Variants in PCDHGB2 observed in about 807,000 individuals in gnomAD.
PCDHGB2 encodes protocadherin gamma subfamily B, 2.
PCDHGB2 carries 55 observed loss-of-function variants against 59.3 expected under a neutral mutation model. The observed-to-expected ratio is 0.93, with a 90% CI of 0.75 to 1.16. PCDHGB2 has a LOEUF of 1.16. Ranked by LOEUF, PCDHGB2 falls within the 50% of genes most tolerant of loss-of-function variation. The pLI is 0.00. For synonymous variants in PCDHGB2, 516 were observed against 512.0 expected (o/e 1.01, Z -0.11); for missense variants, 1,228 against 1,198.5 (o/e 1.02, Z -0.36).
chr5:141,442,774 AT>A (rs2098342677), intron 1 of PCDHGB2, among the ~76,000 whole-genome samples: 1 of 152,188 alleles, frequency 6.6e-6, no homozygotes, highest in Non-Finnish European at 1.5e-5. Flanking sequence ...TATGTGTTTG[AT>A]TATATTTTAT....
intron 1 of PCDHGB2, chr5:141,414,875 T>G: frequency 6.2e-7 from 1 of 1,614,196 alleles, no homozygotes; most frequent in Non-Finnish European, 8.5e-7. Context: ...CCCGAGATCC[T>G]GTACCCCGCC....
At chr5:141,498,248 G>A (rs1484987588) in intron 2 of PCDHGB2, among the ~76,000 whole-genome samples, 2 of 152,208 alleles carry the variant, frequency 1.3e-5, no homozygotes, top group Non-Finnish European at 2.9e-5. Flanking sequence ...CTTCAAAGCA[G>A]GGCTGGTGTT....
At position 141,432,669 on chromosome 5, in the gene PCDHGB2, C is replaced by T. The variant is rs777314784; in HGVS notation, c.2422-62138C>T. ...GCGCGAGCCCTGCTGGACAGAGACG[C>T]GCTCAAGCAGAGCCTCGTAGTGGCC... On this transcript the variant is annotated intron_variant, in intron 1 of 3. Transcript: ENST00000522605. This position sits in a 1 kb window ranked among gnomAD's most constrained non-coding sequence, Gnocchi z 6.0. 1 of 1,613,894 alleles carries T rather than the reference C, an allele frequency of 6.2e-7. No homozygotes were observed.
chr5:141,474,208 A>C (rs1243312558), intron 1 of PCDHGB2, among the ~76,000 whole-genome samples: 1 of 152,242 alleles, frequency 6.6e-6, no homozygotes, highest in Non-Finnish European at 1.5e-5. Context: ...TGATTTTCAA[A>C]AACCAGATTG....
At chr5:141,371,720 C>T in intron 1 of PCDHGB2, 1 of 1,614,070 alleles carries the variant, frequency 6.2e-7, no homozygotes, top group Non-Finnish European at 8.5e-7. Context: ...CTCTGCACAT[C>T]CTTGATGTCA....
At chr5:141,369,176 A>G (rs1766073414) in intron 1 of PCDHGB2, among the ~76,000 whole-genome samples, 1 of 152,212 alleles carries the variant, frequency 6.6e-6, no homozygotes, top group Non-Finnish European at 1.5e-5. Context: ...GTAAATAACA[A>G]AAAGTTAGGA....
At chr5:141,380,834 G>T (rs559775684) in intron 1 of PCDHGB2, among the ~76,000 whole-genome samples, 2 of 152,154 alleles carry the variant, frequency 1.3e-5, no homozygotes, top group Admixed American at 1.3e-4. Flanking sequence ...TGAGGCATCA[G>T]GTAAAAATGG....
Position 141,431,625 on chromosome 5 carries a change from C to T in PCDHGB2, c.2422-63182C>T. The T allele has an allele frequency of 6.2e-7, 1 of 1,614,224 alleles. No individual in the cohort carries two copies. Among genetic ancestry groups the T allele is most frequent in the South Asian group, 1.1e-5 (1 of 91,082 alleles). On this transcript the variant is annotated intron_variant, in intron 1 of 3. Transcript: ENST00000522605. This position sits in a 1 kb window ranked among gnomAD's most constrained non-coding sequence, Gnocchi z 4.8. Reference sequence around the variant, plus strand: ...TTCCGGTATGTGGACGACAAGGCGGCCCAAGTTTTCAAACTAGATTGTAAT... The same window carrying T: ...TTCCGGTATGTGGACGACAAGGCGGTCCAAGTTTTCAAACTAGATTGTAAT...
intron 1 of PCDHGB2, chr5:141,409,623 T>G: frequency 6.2e-7 from 1 of 1,613,854 alleles, no homozygotes; most frequent in Non-Finnish European, 8.5e-7. Context: ...ATTGCGCAAG[T>G]GAGCGCCTCT....
At chr5:141,446,049 G>T (rs1043671484) in intron 1 of PCDHGB2, among the ~76,000 whole-genome samples, 1 of 152,100 alleles carries the variant, frequency 6.6e-6, no homozygotes, top group African/African-American at 2.4e-5. Context: ...AAGAAGAGCT[G>T]GCTTGGATTA....
rs762413220 is a variant in PCDHGB2 at position 141,403,196 on chromosome 5, G to T, written c.2421+40640G>T. 1.9e-6 allele frequency: 3 copies of T among 1,613,986 alleles called. No individual in the cohort carries two copies. The South Asian group carries it at 3.3e-5, about 18-fold the overall frequency. ...GCTTTTCTCTCTGAACCCGCGCAGC[G>T]GCACCTTGGTCACCGCGGGTAGGAT... is the stretch of plus-strand genomic sequence containing the variant. On this transcript the variant is annotated intron_variant, in intron 1 of 3. Transcript: ENST00000522605.
At chr5:141,461,820 A>AT (rs1458631685) in intron 1 of PCDHGB2, among the ~76,000 whole-genome samples, 5 of 147,814 alleles carry the variant, frequency 3.4e-5, no homozygotes, top group African/African-American at 7.5e-5. Context: ...CACCCAGCTA[A>AT]TTTTTTTTTC....
In PCDHGB2 at chr5:141,383,778, T is replaced by C. The variant is rs764919264; in HGVS notation, c.2421+21222T>C. 5 of 1,613,886 alleles carry C rather than the reference T, an allele frequency of 3.1e-6. No individual in the cohort carries two copies. In the African/African-American group the frequency reaches 6.7e-5, roughly 22 times the overall value. ...CTCCTAAACTTCCAAAGATGTTTCA[T>C]CTGAACTCGCTTACAGGAGAAATAT... On this transcript the variant is annotated intron_variant, in intron 1 of 3. Coordinates refer to ENST00000522605, the MANE Select transcript of PCDHGB2 (RefSeq NM_018923.3).
chr5:141,370,836 A>G, intron 1 of PCDHGB2: 1 of 1,614,018 alleles, frequency 6.2e-7, no homozygotes, highest in Non-Finnish European at 8.5e-7. Context: ...ACTGGCTCTC[A>G]CTGGAGCCAC....
In PCDHGB2 at chr5:141,477,857, C is replaced by A. The variant is rs548674958; in HGVS notation, c.2422-16950C>A. On this transcript the variant is annotated intron_variant, in intron 1 of 3. Transcript: ENST00000522605. The surrounding 1 kb of genome is among the most constrained non-coding windows in gnomAD (Gnocchi z 4.9). ...AGGTGGGAGCTCGGTGGAGATGCTG[C>A]CTCGAGGTACCTCAGCTGGCCACCT... 2.9e-5 allele frequency: 47 copies of A among 1,613,454 alleles called. No individual in the cohort carries two copies. In the South Asian group the frequency reaches 4.9e-4, roughly 17 times the overall value.
intron 1 of PCDHGB2, among the ~76,000 whole-genome samples, chr5:141,463,911 T>C (rs749224024): frequency 6.6e-6 from 1 of 152,156 alleles, no homozygotes; most frequent in African/African-American, 2.4e-5. Context: ...TAATAATATA[T>C]CCTGGAAATC....
chr5:141,361,752 G>A lies in PCDHGB2; in HGVS notation c.1617G>A (p.Ser539=), dbSNP rs1860253. ...ELTLQARDQG[S]PALSANVSLR... The stretch of plus-strand genomic sequence containing the variant: ...CACTGCAGGCCCGCGACCAGGGCTC[G>A]CCCGCGCTCAGCGCCAACGTGAGCC... Residue 539 remains serine, a synonymous_variant, in exon 1 of 4, where the codon TCG becomes TCA. Transcript: ENST00000522605. The A allele has an allele frequency of 6.2e-7, 1 of 1,613,012 alleles. No individual in the cohort carries two copies. The highest frequency in any genetic ancestry group is 2.2e-5 in the East Asian group (1 of 44,876).
intron 1 of PCDHGB2, chr5:141,392,161 C>T (rs2092476241): frequency 6.6e-6 from 1 of 152,200 alleles, no homozygotes; most frequent in African/African-American, 2.4e-5. Context: ...AAAACAATTT[C>T]TGAGTCAGTC....
chr5:141,409,734 G>C (rs1278458472), intron 1 of PCDHGB2: 2 of 1,613,144 alleles, frequency 1.2e-6, no homozygotes, highest in Admixed American at 3.3e-5. Flanking sequence ...AGCGCGCAGA[G>C]CGGGGTGGTG....
Sources: allele counts gnomAD v4.1 joint callset (sites outside exome capture counted in the v4.1 genomes callset), GRCh38; gene constraint gnomAD v4.1.1; non-coding constraint Gnocchi (gnomAD v3.1); transcripts MANE v1.5; gene names NCBI Gene and HGNC (gene_info 2026-07-23, HGNC 2026-07-21).